The following DLC1 variants were observed in gnomAD, a reference collection of about 807,000 sequenced individuals.
DLC1 encodes rho GTPase-activating protein 7.
DLC1 carries 54 observed loss-of-function variants against 140.3 expected under a neutral mutation model. That is an observed-to-expected ratio of 0.38 (90% CI 0.31 to 0.48). The LOEUF (loss-of-function observed/expected upper bound fraction) is 0.48, where lower values mean the gene tolerates loss of function less well. Ranked by LOEUF, DLC1 falls within the 20% of genes least tolerant of loss-of-function variation. DLC1 has a pLI of 0.96. For synonymous variants in DLC1, 986 were observed against 728.1 expected (o/e 1.35, Z -5.70); for missense variants, 2,536 against 1,907.0 (o/e 1.33, Z -6.14).
chr8:13,411,810 A>C (rs943011491), intron 2 of DLC1, among the ~76,000 whole-genome samples: 1 of 152,202 alleles, frequency 6.6e-6, no homozygotes, highest in Admixed American at 6.5e-5. Context: ...ATTTTGATTT[A>C]TCTGTCAGAT....
rs529001859 is a variant in DLC1, at chr8:13,359,967, T to G, written c.1314+33586A>C. On this transcript the variant is annotated intron_variant, in intron 4 of 17. Transcript: ENST00000276297. ...AGAAATGAGACACTTGTTAATAAGATTTATAAAGAGCTACTCCATCGACAT... is the reference window on the plus strand; with the variant it reads ...AGAAATGAGACACTTGTTAATAAGAGTTATAAAGAGCTACTCCATCGACAT... Among the ~76,000 whole-genome samples the G allele has an allele frequency of 3.3e-5, 5 of 152,330 alleles. 1 individual carries two copies. In the South Asian group the frequency reaches 1.0e-3, roughly 32 times the overall value.
intron 2 of DLC1, among the ~76,000 whole-genome samples, chr8:13,493,374 T>A (rs28541627): frequency 0.71 from 108,112 of 151,998 alleles, 40,788 homozygotes; most frequent in Middle Eastern, 0.87. Context: ...AACTATCTTT[T>A]AGGTTTTCAT....
chr8:13,556,785 G>T (rs1804061721), intron 1 of DLC1, among the ~76,000 whole-genome samples: 1 of 152,168 alleles, frequency 6.6e-6, no homozygotes. Context: ...TTCTAAAGTG[G>T]ATGCTGTCAG....
intron 3 of DLC1, among the ~76,000 whole-genome samples, chr8:13,397,104 C>G (rs1563313475): frequency 2.6e-5 from 4 of 152,068 alleles, no homozygotes; most frequent in Admixed American, 2.0e-4. Context: ...GTGATGTGTG[C>G]TAGAAGTGCT....
At chr8:13,217,062 G>C (rs765764577) in intron 5 of DLC1, among the ~76,000 whole-genome samples, 36 of 151,980 alleles carry the variant, frequency 2.4e-4, no homozygotes, top group Non-Finnish European at 4.4e-4. Flanking sequence ...TTTCAAATTG[G>C]AGCCAGCAAT....
At chr8:13,116,430 T>G (rs775875718) in intron 5 of DLC1, among the ~76,000 whole-genome samples, 3 of 152,144 alleles carry the variant, frequency 2.0e-5, no homozygotes, top group Non-Finnish European at 2.9e-5. Flanking sequence ...CTGGGAACAT[T>G]AGTTAGTGTC....
At chr8:13,326,866 TTGAA>T (rs1293834050) in intron 4 of DLC1, among the ~76,000 whole-genome samples, 9 of 152,318 alleles carry the variant, frequency 5.9e-5, no homozygotes, top group African/African-American at 2.2e-4. Context: ...GCTGGTGTGA[TTGAA>T]TGAACTGTTG....
At chr8:13,566,866 C>G in intron 1 of DLC1, 1 of 1,268,234 alleles carries the variant, frequency 7.9e-7, no homozygotes, top group African/African-American at 1.5e-5. Context: ...AGGCGTCTCC[C>G]GGAAGACGAC....
chr8:13,559,807 T>C (rs1171004515), intron 1 of DLC1, among the ~76,000 whole-genome samples: 1 of 152,232 alleles, frequency 6.6e-6, no homozygotes, highest in African/African-American at 2.4e-5. Context: ...TTATACATCA[T>C]CTGTGCTATG....
At position 13,453,017 on chromosome 8, in the gene DLC1, C is replaced by G. The variant is rs1476084976; in HGVS notation, c.1023+46032G>C. Among the ~76,000 whole-genome samples the G allele has an allele frequency of 1.3e-5, 2 of 151,952 alleles. 1 individual carries two copies. The highest frequency in any genetic ancestry group is 4.1e-4 in the South Asian group (2 of 4,826). On this transcript the variant is annotated intron_variant, in intron 2 of 17. Transcript: ENST00000276297. ...TTTCAGAATGAGTTCATAGTCACAA[C>G]CTCACTTTTTCCTCACAAAACCCTA...
Position 13,090,137 on chromosome 8 carries a change from G to A in DLC1, c.4074+115C>T, listed in dbSNP as rs565643056. 9.0e-5 allele frequency: 86 copies of A among 956,724 alleles called. No homozygotes were observed. The East Asian group carries it at 2.2e-3, about 24-fold the overall frequency. 59.3% of individuals were successfully genotyped at this position (956,724 alleles called of 1,614,324 possible). On this transcript the variant is annotated intron_variant, in intron 15 of 17. Coordinates refer to ENST00000276297, the MANE Select transcript of DLC1 (RefSeq NM_182643.3). ...TCACCCCGGTGCCCAGCTCTACAAG[G>A]GAGGTTGTGGGCTACAGATCCCCAG...
At chr8:13,319,300 T>TC (rs1317498513) in intron 4 of DLC1, among the ~76,000 whole-genome samples, 4 of 152,176 alleles carry the variant, frequency 2.6e-5, no homozygotes, top group Non-Finnish European at 4.4e-5. Flanking sequence ...TCGCCTCCGT[T>TC]CCCTGCCCCG....
intron 2 of DLC1, among the ~76,000 whole-genome samples, chr8:13,488,455 T>C (rs1219379584): frequency 1.3e-5 from 2 of 152,228 alleles, no homozygotes; most frequent in Non-Finnish European, 2.9e-5. Context: ...GTTTAAAATA[T>C]GGTGAGCCCT....
chr8:13,261,803 T>G (rs996734033), intron 5 of DLC1, among the ~76,000 whole-genome samples: 1 of 152,206 alleles, frequency 6.6e-6, no homozygotes, highest in African/African-American at 2.4e-5. Context: ...AAAAGCTCAA[T>G]TTTTGACATG....
intron 1 of DLC1, among the ~76,000 whole-genome samples, chr8:13,528,191 C>T (rs1802980550): frequency 6.6e-6 from 1 of 152,098 alleles, no homozygotes; most frequent in South Asian, 2.1e-4. Context: ...GTTCAGTGTT[C>T]TCAGTATTTC....
chr8:13,324,892 G>T (rs1833275403), intron 4 of DLC1, among the ~76,000 whole-genome samples: 1 of 152,036 alleles, frequency 6.6e-6, no homozygotes, highest in African/African-American at 2.4e-5. Context: ...GTGACTATTG[G>T]AGATTAAATA....
chr8:13,561,120 T>A (rs1804227265), intron 1 of DLC1, among the ~76,000 whole-genome samples: 1 of 114,120 alleles, frequency 8.8e-6, no homozygotes, highest in Non-Finnish European at 1.9e-5. Context: ...AAAGTGTTTT[T>A]CCTTTTTTTT....
chr8:13,326,948 T>C (rs1196630853), intron 4 of DLC1, among the ~76,000 whole-genome samples: 1 of 151,674 alleles, frequency 6.6e-6, no homozygotes, highest in African/African-American at 2.4e-5. Flanking sequence ...GTTTTTGTTG[T>C]TGTTGTTGTT....
chr8:13,124,057 C>G (rs1821349198), intron 5 of DLC1, among the ~76,000 whole-genome samples: 1 of 152,116 alleles, frequency 6.6e-6, no homozygotes, highest in Admixed American at 6.5e-5. Flanking sequence ...ATAAGTGATA[C>G]AGTCTTATAT....
Sources: allele counts gnomAD v4.1 joint callset (sites outside exome capture counted in the v4.1 genomes callset), GRCh38; gene constraint gnomAD v4.1.1; transcripts MANE v1.5; gene names NCBI Gene and HGNC (gene_info 2026-07-23, HGNC 2026-07-21).